GUCY1A2: variants seen among roughly 807,000 people sequenced by gnomAD.
GUCY1A2 encodes the protein guanylate cyclase soluble subunit alpha-2.
In GUCY1A2, 27 loss-of-function variants were observed where a neutral mutation model predicts 63.5. That is an observed-to-expected ratio of 0.43 (90% confidence interval 0.31 to 0.59). The LOEUF (loss-of-function observed/expected upper bound fraction) is 0.59, where lower values mean the gene tolerates loss of function less well. GUCY1A2 is among the 20% of genes least tolerant of loss of function. GUCY1A2 has a pLI of 0.11. For synonymous variants in GUCY1A2, 364 were observed against 343.5 expected (o/e 1.06, Z -0.66); for missense variants, 768 against 913.3 (o/e 0.84, Z 2.05).
intron 5 of GUCY1A2, among the ~76,000 whole-genome samples, chr11:106,807,465 A>G (rs994016970): frequency 2.0e-5 from 3 of 152,142 alleles, no homozygotes; most frequent in African/African-American, 7.2e-5. Context: ...TCTCTGGCCA[A>G]ACCATTACTG....
intron 3 of GUCY1A2, among the ~76,000 whole-genome samples, chr11:106,940,422 G>T (rs1214346376): frequency 6.6e-6 from 1 of 152,014 alleles, no homozygotes; most frequent in Non-Finnish European, 1.5e-5. Context: ...TTTTTAAATA[G>T]ACTACATATT....
intron 4 of GUCY1A2, among the ~76,000 whole-genome samples, chr11:106,869,274 A>C (rs1345649978): frequency 6.6e-6 from 1 of 152,198 alleles, no homozygotes; most frequent in Admixed American, 6.5e-5. Flanking sequence ...TAATTAAACT[A>C]AAGAGCTTCT....
At chr11:106,698,973 G>A (rs562661741) in intron 7 of GUCY1A2, among the ~76,000 whole-genome samples, 1 of 152,260 alleles carries the variant, frequency 6.6e-6, no homozygotes, top group African/African-American at 2.4e-5. Flanking sequence ...AAGCACATGT[G>A]AGTATGCAAA....
chr11:106,889,044 A>G (rs1292618245), intron 4 of GUCY1A2, among the ~76,000 whole-genome samples: 2 of 152,220 alleles, frequency 1.3e-5, no homozygotes, highest in African/African-American at 4.8e-5. Context: ...TAAAAAAATT[A>G]CAATGCACTG....
chr11:106,705,067 C>T (rs1239570896), intron 7 of GUCY1A2, among the ~76,000 whole-genome samples: 2 of 151,394 alleles, frequency 1.3e-5, no homozygotes, highest in Admixed American at 6.6e-5. Flanking sequence ...AAACTTAAAA[C>T]TCAATAAAAA....
intron 6 of GUCY1A2, among the ~76,000 whole-genome samples, chr11:106,758,894 G>A (rs1349744684): frequency 2.0e-5 from 3 of 152,160 alleles, no homozygotes; most frequent in Non-Finnish European, 4.4e-5. Context: ...GAAAGGCAGA[G>A]AAGATATTTG....
rs138376035 is a variant in GUCY1A2 at position 106,948,975 on chromosome 11, A to C, written c.488-8797T>G. ...CGGTATGTATGCCTTAACCAAAACA[A>C]GCAAACATATAAAAAAGATGTAAAA... On this transcript the variant is annotated intron_variant, in intron 3 of 7. Transcript: ENST00000526355. Among the ~76,000 whole-genome samples the C allele has an allele frequency of 2.0e-5, 3 of 152,340 alleles. No individual in the cohort carries two copies. The East Asian group carries it at 5.8e-4, about 29-fold the overall frequency.
intron 3 of GUCY1A2, among the ~76,000 whole-genome samples, chr11:106,961,069 A>AT (rs1861052225): frequency 6.6e-6 from 1 of 152,090 alleles, no homozygotes; most frequent in South Asian, 2.1e-4. Context: ...CCCTGTGCTC[A>AT]TTTTTTATAA....
intron 6 of GUCY1A2, among the ~76,000 whole-genome samples, chr11:106,755,106 G>A (rs1310219389): frequency 6.6e-6 from 1 of 152,028 alleles, no homozygotes; most frequent in Non-Finnish European, 1.5e-5. Context: ...GAATTTATCA[G>A]TTTCTTCCTG....
At chr11:107,006,679 G>GAGCA (rs1386657551) in intron 1 of GUCY1A2, among the ~76,000 whole-genome samples, 11 of 152,168 alleles carry the variant, frequency 7.2e-5, no homozygotes. Context: ...CTTCTACATA[G>GAGCA]AGCAAGTTTG....
intron 6 of GUCY1A2, among the ~76,000 whole-genome samples, chr11:106,754,848 A>G (rs1043646942): frequency 2.0e-5 from 3 of 152,294 alleles, no homozygotes; most frequent in Non-Finnish European, 4.4e-5. Flanking sequence ...AGGTTTTGGT[A>G]TCAGGATGAT....
At chr11:106,925,248 T>G (rs2119919575) in intron 4 of GUCY1A2, among the ~76,000 whole-genome samples, 1 of 152,218 alleles carries the variant, frequency 6.6e-6, no homozygotes, top group South Asian at 2.1e-4. Context: ...CCACTAACTT[T>G]AAAGAAAAAT....
intron 6 of GUCY1A2, among the ~76,000 whole-genome samples, chr11:106,710,968 T>C (rs1443769041): frequency 6.6e-6 from 1 of 152,106 alleles, no homozygotes; most frequent in East Asian, 1.9e-4. Flanking sequence ...TATCAACTCA[T>C]AAAAAGATAG....
chr11:106,836,521 T>C (rs1859120056), intron 4 of GUCY1A2, among the ~76,000 whole-genome samples: 1 of 151,996 alleles, frequency 6.6e-6, no homozygotes. Context: ...TTTCTTGTAA[T>C]GTCATGACTT....
At chr11:106,857,601 A>G (rs1318376912) in intron 4 of GUCY1A2, among the ~76,000 whole-genome samples, 1 of 152,090 alleles carries the variant, frequency 6.6e-6, no homozygotes, top group African/African-American at 2.4e-5. Flanking sequence ...TTGCCAAATG[A>G]TTCAGTTTTT....
intron 4 of GUCY1A2, among the ~76,000 whole-genome samples, chr11:106,915,281 A>G (rs1243265738): frequency 2.0e-5 from 3 of 152,130 alleles, no homozygotes; most frequent in Non-Finnish European, 2.9e-5. Flanking sequence ...GCCTGAATAT[A>G]GCCTGTGGAT....
intron 1 of GUCY1A2, among the ~76,000 whole-genome samples, chr11:107,002,395 G>C (rs1421358283): frequency 2.0e-5 from 3 of 151,590 alleles, no homozygotes; most frequent in Non-Finnish European, 2.9e-5. Flanking sequence ...ACAGGTGTGT[G>C]TGTGTGTGTG....
Position 106,857,961 on chromosome 11 carries a change from G to C in GUCY1A2, c.1207-47483C>G, listed in dbSNP as rs148943124. ...GGAACAAATCCAGGACTTTAAGAAG[G>C]AAAAGTACAAAAGGAAAAAATATAT... On this transcript the variant is annotated intron_variant, in intron 4 of 7. Transcript: ENST00000526355. 3.9e-5 allele frequency among the ~76,000 whole-genome samples: 6 copies of C among 152,186 alleles called. No homozygotes were observed. The East Asian group carries it at 1.2e-3, about 29-fold the overall frequency.
In GUCY1A2 at chr11:106,953,393, A is replaced by G. The variant is rs533069506; in HGVS notation, c.488-13215T>C. 7.9e-5 allele frequency among the ~76,000 whole-genome samples: 12 copies of G among 152,298 alleles called. No homozygotes were observed. In the East Asian group the frequency reaches 2.3e-3, roughly 29 times the overall value. On this transcript the variant is annotated intron_variant, in intron 3 of 7. Coordinates refer to ENST00000526355, the MANE Select transcript of GUCY1A2 (RefSeq NM_000855.3). The stretch of plus-strand genomic sequence containing the variant: ...GAAGCCCACTTGCTCATGGTGGATA[A>G]GTTTTTTGATGTGCTGCTCATTCAG...
Sources: allele counts gnomAD v4.1 joint callset (sites outside exome capture counted in the v4.1 genomes callset), GRCh38; gene constraint gnomAD v4.1.1; transcripts MANE v1.5; gene names NCBI Gene and HGNC (gene_info 2026-07-23, HGNC 2026-07-21).